The following ARMH3 variants were observed in gnomAD, a reference collection of about 807,000 sequenced individuals.
The protein encoded by ARMH3 is armadillo like helical domain containing 3.
In ARMH3, 60 loss-of-function variants were observed where a neutral mutation model predicts 99.1. The observed-to-expected ratio is 0.61, with a 90% confidence interval of 0.49 to 0.75. The LOEUF is 0.75. Among genes scored for constraint, ARMH3 ranks in the 30% least tolerant of loss-of-function variants. The pLI is 0.00. For synonymous variants in ARMH3, 285 were observed against 292.8 expected, an observed-to-expected ratio of 0.97 and a Z score of 0.27; for missense variants, 679 against 843.1, an observed-to-expected ratio of 0.81 and a Z score of 2.41.
At chr10:101,932,432 A>G (rs2135675118) in intron 23 of ARMH3, among the ~76,000 whole-genome samples, 1 of 152,364 alleles carries the variant, frequency 6.6e-6, no homozygotes, top group East Asian at 1.9e-4. Flanking sequence ...AAAAGAAATG[A>G]AAGCAGAGTC....
At chr10:102,004,836 G>A (rs956658908) in intron 14 of ARMH3, among the ~76,000 whole-genome samples, 7 of 152,130 alleles carry the variant, frequency 4.6e-5, no homozygotes, top group Admixed American at 2.6e-4. Flanking sequence ...TTGGGAGCCC[G>A]AGGCAGGCGG....
intron 23 of ARMH3, among the ~76,000 whole-genome samples, chr10:101,917,387 G>A (rs180688877): frequency 6.6e-6 from 1 of 152,274 alleles, no homozygotes; most frequent in African/African-American, 2.4e-5. Flanking sequence ...GTTTCATACT[G>A]CATAATGCAA....
At position 101,953,695 on chromosome 10, in the gene ARMH3, A is replaced by AAAC. The variant is rs746876486; in HGVS notation, c.1705+2899_1705+2901dup. 1.9e-3 allele frequency among the ~76,000 whole-genome samples: 291 copies of AAAC among 152,162 alleles called. 2 individuals carry two copies. The Middle Eastern group carries it at 0.02, about 11-fold the overall frequency. On this transcript the variant is annotated intron_variant, in intron 22 of 25. Coordinates refer to ENST00000370033, the MANE Select transcript of ARMH3 (RefSeq NM_024541.3). ...GAGGTAGCACTATATATCTAGAAGC[A>AAAC]AACAACAACAACAACAAAAAAGTGG...
At chr10:102,035,245 G>C (rs989579884) in intron 2 of ARMH3, among the ~76,000 whole-genome samples, 1 of 151,624 alleles carries the variant, frequency 6.6e-6, no homozygotes, top group Non-Finnish European at 1.5e-5. Flanking sequence ...GGAGCCTGTA[G>C]TCCCAGCTAC....
chr10:101,908,381 T>C (rs929342715), intron 23 of ARMH3, among the ~76,000 whole-genome samples: 5 of 152,204 alleles, frequency 3.3e-5, no homozygotes, highest in African/African-American at 1.2e-4. Context: ...ATAACGTGAG[T>C]TACAGCATGG....
intron 24 of ARMH3, among the ~76,000 whole-genome samples, chr10:101,876,641 A>G (rs1055937115): frequency 6.6e-6 from 1 of 152,242 alleles, no homozygotes. Context: ...TAGAGATACA[A>G]GTTTGCATAA....
chr10:101,907,399 T>C (rs1189350183), intron 23 of ARMH3, among the ~76,000 whole-genome samples: 2 of 151,726 alleles, frequency 1.3e-5, no homozygotes, highest in African/African-American at 4.8e-5. Context: ...TTTTTTTTTT[T>C]TGAGACAGGG....
At chr10:101,921,569 T>C (rs1009813819) in intron 23 of ARMH3, among the ~76,000 whole-genome samples, 7 of 152,160 alleles carry the variant, frequency 4.6e-5, no homozygotes, top group Non-Finnish European at 1.0e-4. Context: ...AGCAAAGATA[T>C]GGAATCAACC....
intron 24 of ARMH3, among the ~76,000 whole-genome samples, chr10:101,867,543 A>G (rs1249544463): frequency 7.2e-5 from 11 of 152,212 alleles, no homozygotes; most frequent in Admixed American, 7.2e-4. Context: ...GTTACAGAAA[A>G]AGCCATGGGC....
At chr10:101,895,278 C>CTTT (rs745819768) in intron 23 of ARMH3, among the ~76,000 whole-genome samples, 3 of 131,708 alleles carry the variant, frequency 2.3e-5, no homozygotes, top group East Asian at 2.2e-4. Flanking sequence ...CGATAAAATT[C>CTTT]TTTTTTTTTT....
chr10:101,894,984 C>A (rs572835872), intron 23 of ARMH3, among the ~76,000 whole-genome samples: 6 of 152,056 alleles, frequency 3.9e-5, no homozygotes, highest in African/African-American at 1.4e-4. Context: ...CAGAAACTGA[C>A]CCTGCTGGAC....
At chr10:102,010,575 A>G (rs1375512571) in intron 11 of ARMH3, among the ~76,000 whole-genome samples, 2 of 152,228 alleles carry the variant, frequency 1.3e-5, no homozygotes, top group South Asian at 2.1e-4. Context: ...GAGCAAGTGA[A>G]TAAGTAAATG....
At position 102,014,553 on chromosome 10, in the gene ARMH3, G is replaced by T. The variant is rs559885869; in HGVS notation, c.670-529C>A. Among the ~76,000 whole-genome samples the T allele has an allele frequency of 1.2e-3, 176 of 152,280 alleles. 1 individual carries two copies. The highest frequency in any genetic ancestry group is 3.9e-3 in the African/African-American group (163 of 41,550). ...CCCACCCGTAAAGCAAAGCCACCTT[G>T]GGGTGGAAAGTGGCAGCTGCTTAAC... On this transcript the variant is annotated intron_variant, in intron 8 of 25. Coordinates refer to ENST00000370033, the MANE Select transcript of ARMH3 (RefSeq NM_024541.3).
At chr10:102,026,067 G>A (rs1386031061) in intron 5 of ARMH3, among the ~76,000 whole-genome samples, 9 of 152,138 alleles carry the variant, frequency 5.9e-5, no homozygotes, top group East Asian at 3.8e-4. Flanking sequence ...GCTAACTTGC[G>A]TCCATCCTGG....
chr10:102,005,928 A>G (rs2066474113), intron 14 of ARMH3, among the ~76,000 whole-genome samples: 1 of 152,244 alleles, frequency 6.6e-6, no homozygotes. Context: ...TGATAGACAC[A>G]TAACAGTGAG....
chr10:101,912,609 G>T (rs181074475), intron 23 of ARMH3, among the ~76,000 whole-genome samples: 15 of 152,242 alleles, frequency 9.9e-5, no homozygotes, highest in Middle Eastern at 6.8e-3. Flanking sequence ...TCATGTTGCT[G>T]CAAGTAAAGA....
chr10:102,025,131 C>T, intron 6 of ARMH3, 25 bp downstream of exon 6: 1 of 1,571,552 alleles, frequency 6.4e-7, no homozygotes, highest in African/African-American at 1.3e-5. Context: ...TCAATTAATA[C>T]CCTTGACAAA....
At chr10:101,876,247 CAAAAAA>C (rs34928343) in intron 24 of ARMH3, among the ~76,000 whole-genome samples, 62 of 83,508 alleles carry the variant, frequency 7.4e-4, no homozygotes, top group Admixed American at 5.2e-3. Flanking sequence ...GGCTCCATCT[CAAAAAA>C]AAAAAAAAAA....
At chr10:101,956,381 G>A (rs998521876) in intron 22 of ARMH3, among the ~76,000 whole-genome samples, 9 of 151,966 alleles carry the variant, frequency 5.9e-5, no homozygotes, top group Non-Finnish European at 1.3e-4. Context: ...TCAACAAAGG[G>A]CTGCTAACCA....
Sources: gnomAD v4.1 joint callset for allele counts (sites outside exome capture counted in the v4.1 genomes callset) on GRCh38, gnomAD v4.1.1 for gene constraint, MANE v1.5 for transcripts, NCBI Gene and HGNC (gene_info 2026-07-23, HGNC 2026-07-21) for gene names.